The following FBXL5 variants were observed in gnomAD, a reference collection of about 807,000 sequenced individuals.
The protein encoded by FBXL5 is F-box and leucine rich repeat protein 5.
FBXL5 carries 26 observed loss-of-function variants against 78.3 expected under a neutral mutation model. The observed-to-expected ratio is 0.33, with a 90% confidence interval of 0.24 to 0.46. The LOEUF (loss-of-function observed/expected upper bound fraction) is 0.46, where lower values mean the gene tolerates loss of function less well. Among genes scored for constraint, FBXL5 ranks in the 20% least tolerant of loss-of-function variants. FBXL5 has a pLI of 1.00. For synonymous variants in FBXL5, 295 were observed against 282.5 expected, an observed-to-expected ratio of 1.04 and a Z score of -0.45; for missense variants, 710 against 829.2, an observed-to-expected ratio of 0.86 and a Z score of 1.77.
At chr4:15,667,244 G>A (rs564733414) in intron 1 of FBXL5, among the ~76,000 whole-genome samples, 1 of 152,260 alleles carries the variant, frequency 6.6e-6, no homozygotes, top group East Asian at 1.9e-4. Context: ...CTTTAACCTT[G>A]ATGGCAGTCC....
chr4:15,656,468 CTAT>C (rs1319619817), upstream of FBXL5: 3 of 342,640 alleles, frequency 8.8e-6, no homozygotes, highest in African/African-American at 4.3e-5. Context: ...CCCTTGTTCT[CTAT>C]TATCTATCAC....
At chr4:15,641,934 C>T (rs528557403) in intron 2 of FBXL5, among the ~76,000 whole-genome samples, 13 of 151,632 alleles carry the variant, frequency 8.6e-5, no homozygotes, top group African/African-American at 2.9e-4. Flanking sequence ...GGCTGAGGCA[C>T]GGAGAACTGC....
chr4:15,671,870 C>A (rs1717784470), intron 1 of FBXL5, among the ~76,000 whole-genome samples: 1 of 152,208 alleles, frequency 6.6e-6, no homozygotes, highest in Admixed American at 6.5e-5. Flanking sequence ...ATTTCACACA[C>A]TGCAGTTTTC....
chr4:15,664,479 T>C (rs935942956), upstream of FBXL5, among the ~76,000 whole-genome samples: 3 of 151,118 alleles, frequency 2.0e-5, no homozygotes, highest in Non-Finnish European at 4.4e-5. Flanking sequence ...ACCTCACTTA[T>C]AAAGTTAAAT....
chr4:15,606,291 T>G (rs922490374), intron 10 of FBXL5, among the ~76,000 whole-genome samples: 2 of 152,182 alleles, frequency 1.3e-5, no homozygotes, highest in Non-Finnish European at 2.9e-5. Context: ...ATTTGCCATA[T>G]TTTTATTTAG....
chr4:15,608,102 C>T (rs1486640960), intron 10 of FBXL5, among the ~76,000 whole-genome samples: 2 of 151,844 alleles, frequency 1.3e-5, no homozygotes, highest in African/African-American at 2.4e-5. Flanking sequence ...AACATACCAC[C>T]GACACGGAGG....
chr4:15,612,121 A>G (rs1722310130), intron 10 of FBXL5, 145 bp downstream of exon 10: 1 of 624,364 alleles, frequency 1.6e-6, no homozygotes, highest in Non-Finnish European at 2.5e-6. Flanking sequence ...TGTAATTTTA[A>G]AATTTTATCA....
At chr4:15,667,161 G>C (rs1388043552) in intron 1 of FBXL5, among the ~76,000 whole-genome samples, 1 of 152,122 alleles carries the variant, frequency 6.6e-6, no homozygotes, top group Non-Finnish European at 1.5e-5. Flanking sequence ...AGTGCAAAGG[G>C]CACCTGAATA....
At chr4:15,660,368 C>T (rs1056117922), upstream of FBXL5, among the ~76,000 whole-genome samples, 3 of 152,084 alleles carry the variant, frequency 2.0e-5, no homozygotes, top group African/African-American at 7.2e-5. Flanking sequence ...AGGCATGAGC[C>T]GCCGCACCCA....
chr4:15,653,336 TTCAAAA>T (rs1451457807), intron 1 of FBXL5, among the ~76,000 whole-genome samples: 1 of 152,204 alleles, frequency 6.6e-6, no homozygotes, highest in Admixed American at 6.5e-5. Context: ...CAACTGCATT[TTCAAAA>T]TTTGTTCAAA....
At chr4:15,627,455 G>A (rs984004560) in intron 7 of FBXL5, among the ~76,000 whole-genome samples, 1 of 152,140 alleles carries the variant, frequency 6.6e-6, no homozygotes, top group Non-Finnish European at 1.5e-5. Context: ...TAGCAGTTAT[G>A]AGACTAAACC....
intron 1 of FBXL5, among the ~76,000 whole-genome samples, chr4:15,647,222 C>CAAAAAAAAAAAAAAAAAA (rs112736448): frequency 5.5e-5 from 2 of 36,528 alleles, no homozygotes; most frequent in African/African-American, 2.3e-4. Context: ...GACTCCATCT[C>CAAAAAAAAAAAAAAAAAA]AAAAAAAAAA....
At chr4:15,641,802 G>A (rs185162794) in intron 2 of FBXL5, among the ~76,000 whole-genome samples, 2 of 152,148 alleles carry the variant, frequency 1.3e-5, no homozygotes, top group East Asian at 1.9e-4. Flanking sequence ...AGAGGCAGGC[G>A]GATCACCTGA....
At chr4:15,616,274 C>T (rs938140985) in intron 9 of FBXL5, among the ~76,000 whole-genome samples, 3 of 152,240 alleles carry the variant, frequency 2.0e-5, no homozygotes, top group African/African-American at 4.8e-5. Flanking sequence ...CCACCAATTC[C>T]GGACACATTA....
upstream of FBXL5, among the ~76,000 whole-genome samples, chr4:15,656,908 G>A (rs1356889900): frequency 6.6e-6 from 1 of 150,494 alleles, no homozygotes; most frequent in Admixed American, 6.7e-5. Flanking sequence ...CCACAAATTA[G>A]TAAGTCAAAA....
chr4:15,639,886 C>T (rs984047835), intron 3 of FBXL5, among the ~76,000 whole-genome samples: 1 of 152,226 alleles, frequency 6.6e-6, no homozygotes, highest in Non-Finnish European at 1.5e-5. Flanking sequence ...AACTGATTTA[C>T]AGCTGAACAG....
At chr4:15,607,059 T>C (rs900958302) in intron 10 of FBXL5, among the ~76,000 whole-genome samples, 1 of 152,192 alleles carries the variant, frequency 6.6e-6, no homozygotes, top group Non-Finnish European at 1.5e-5. Context: ...CATACAGTCT[T>C]AGGAAAGAAA....
intron 1 of FBXL5, among the ~76,000 whole-genome samples, chr4:15,673,978 T>A (rs34060721): frequency 2.0e-5 from 3 of 152,218 alleles, no homozygotes; most frequent in African/African-American, 7.2e-5. Context: ...GAAAACATTG[T>A]TTTATATATT....
intron 10 of FBXL5, among the ~76,000 whole-genome samples, chr4:15,608,189 A>G (rs1722011182): frequency 6.6e-6 from 1 of 152,172 alleles, no homozygotes; most frequent in African/African-American, 2.4e-5. Flanking sequence ...ACAGTAGCCT[A>G]AGAAAAATAT....
Sources: gnomAD v4.1 joint callset for allele counts (sites outside exome capture counted in the v4.1 genomes callset) on GRCh38, gnomAD v4.1.1 for gene constraint, MANE v1.5 for transcripts, NCBI Gene and HGNC (gene_info 2026-07-23, HGNC 2026-07-21) for gene names.